AMOTL1: variants seen among roughly 807,000 people sequenced by gnomAD.
AMOTL1 encodes angiomotin-like protein 1.
A neutral mutation model predicts 102.9 loss-of-function variants in AMOTL1; 45 were observed. The ratio of observed to expected loss-of-function variants is 0.44; its 90% CI spans 0.34 to 0.56. AMOTL1 has a LOEUF of 0.56. Ranked by LOEUF, AMOTL1 falls within the 20% of genes least tolerant of loss-of-function variation. AMOTL1 has a pLI of 0.01. For synonymous variants in AMOTL1, 481 were observed against 484.7 expected (o/e 0.99, Z 0.10); for missense variants, 1,114 against 1,225.6 (o/e 0.91, Z 1.36).
At chr11:94,820,119 G>A (rs1173488180) in intron 3 of AMOTL1, among the ~76,000 whole-genome samples, 9 of 152,082 alleles carry the variant, frequency 5.9e-5, no homozygotes, top group African/African-American at 2.2e-4. Flanking sequence ...TCATTAAATG[G>A]TGCCCCTATC....
intron 1 of AMOTL1, among the ~76,000 whole-genome samples, chr11:94,723,021 T>C (rs141834974): frequency 6.6e-6 from 1 of 152,284 alleles, no homozygotes; most frequent in Non-Finnish European, 1.5e-5. Context: ...TGGCAGAAGT[T>C]AATGACAAAT....
chr11:94,733,900 C>G (rs766387216), intron 2 of AMOTL1, among the ~76,000 whole-genome samples: 3 of 152,186 alleles, frequency 2.0e-5, no homozygotes, highest in Non-Finnish European at 4.4e-5. Flanking sequence ...CTAGTAGCTT[C>G]TTGGCTCAGC....
intron 6 of AMOTL1, among the ~76,000 whole-genome samples, chr11:94,848,849 C>G (rs141005926): frequency 6.6e-6 from 1 of 152,210 alleles, no homozygotes; most frequent in Non-Finnish European, 1.5e-5. Flanking sequence ...TCTATTACTT[C>G]AGAACACATA....
At position 94,736,325 on chromosome 11, in the gene AMOTL1, C is replaced by T. The variant is rs561420747; in HGVS notation, c.86-4613C>T. Among the ~76,000 whole-genome samples the T allele has an allele frequency of 3.3e-5, 5 of 152,328 alleles. No homozygotes were observed. In the South Asian group the frequency reaches 1.0e-3, roughly 32 times the overall value. On this transcript the variant is annotated intron_variant, in intron 2 of 4. Coordinates refer to the AMOTL1 transcript ENST00000299004. ...GGAGTGCAATGGCACAATCTCTGCTCACTGCAACCTCTGCCTCACGGGTTC... is the reference window on the plus strand; with the variant it reads ...GGAGTGCAATGGCACAATCTCTGCTTACTGCAACCTCTGCCTCACGGGTTC...
chr11:94,819,156 A>G (rs1951818476), intron 3 of AMOTL1, among the ~76,000 whole-genome samples: 1 of 152,242 alleles, frequency 6.6e-6, no homozygotes, highest in South Asian at 2.1e-4. Flanking sequence ...CCAGAGGCTC[A>G]TTCATTTTCT....
intron 1 of AMOTL1, among the ~76,000 whole-genome samples, chr11:94,782,907 T>G (rs1277793867): frequency 8.5e-5 from 13 of 152,220 alleles, no homozygotes; most frequent in Admixed American, 8.5e-4. Flanking sequence ...TTTTAAAACT[T>G]TTTTTTCATA....
At chr11:94,789,514 G>T (rs972491097) in intron 1 of AMOTL1, among the ~76,000 whole-genome samples, 1 of 152,208 alleles carries the variant, frequency 6.6e-6, no homozygotes, top group Non-Finnish European at 1.5e-5. Flanking sequence ...AGGCACTGCT[G>T]CCTGTCAGTG....
chr11:94,831,474 G>A lies in AMOTL1; in HGVS notation c.1581G>A (p.Arg527=), dbSNP rs927075993. The A allele has an allele frequency of 3.7e-6, 6 of 1,613,704 alleles. No individual in the cohort carries two copies. Among genetic ancestry groups the A allele is most frequent in the Non-Finnish European group, 4.2e-6 (5 of 1,179,700 alleles). Reference sequence around the variant, plus strand: ...TAGATCGACTAGAGACTGCTAACAGGCAACTATCCAGCAGGGAATACGAAG... The same window carrying A: ...TAGATCGACTAGAGACTGCTAACAGACAACTATCCAGCAGGGAATACGAAG... The part of the protein sequence containing the change: ...DLRDRLETAN[R]QLSSREYEGH... The change falls in exon 6 of 13, where the codon AGG becomes AGA. Residue 527 remains arginine (R), a synonymous_variant. Transcript: ENST00000433060.
intron 1 of AMOTL1, among the ~76,000 whole-genome samples, chr11:94,726,872 T>G (rs1324641610): frequency 1.3e-5 from 2 of 152,204 alleles, no homozygotes; most frequent in African/African-American, 4.8e-5. Context: ...ATACATGTGT[T>G]TGATGCCATT....
chr11:94,779,587 A>G (rs994587281), intron 1 of AMOTL1, among the ~76,000 whole-genome samples: 2 of 151,962 alleles, frequency 1.3e-5, no homozygotes, highest in Non-Finnish European at 2.9e-5. Context: ...TGAAAGCCCT[A>G]TTTTCGTAAT....
chr11:94,771,759 T>C (rs1214750804), intron 1 of AMOTL1, among the ~76,000 whole-genome samples: 1 of 152,128 alleles, frequency 6.6e-6, no homozygotes, highest in Non-Finnish European at 1.5e-5. Context: ...GGTATATTCA[T>C]TTTGGACACT....
intron 2 of AMOTL1, among the ~76,000 whole-genome samples, chr11:94,737,692 A>G (rs1950456137): frequency 6.6e-6 from 1 of 152,238 alleles, no homozygotes; most frequent in Non-Finnish European, 1.5e-5. Context: ...AAACCAGAGG[A>G]GACTGATTCT....
chr11:94,844,166 C>A (rs796611598), intron 6 of AMOTL1, among the ~76,000 whole-genome samples: 14 of 152,316 alleles, frequency 9.2e-5, no homozygotes, highest in African/African-American at 3.4e-4. Context: ...CCCCTCTTCC[C>A]ACATCCAAGA....
In AMOTL1 at chr11:94,860,171, A is replaced by G. The variant is rs78676753; in HGVS notation, c.2135+456A>G. 4.3e-3 allele frequency among the ~76,000 whole-genome samples: 657 copies of G among 152,304 alleles called. 5 individuals carry two copies. Among genetic ancestry groups the G allele is most frequent in the African/African-American group, 0.015 (607 of 41,548 alleles). ...AATGCTGCGTTTATATCATGGGCCA[A>G]ACTAGAAGAATAGATAATCCCCATA... On this transcript the variant is annotated intron_variant, in intron 9 of 12. Transcript: ENST00000433060.
At chr11:94,853,185 A>G (rs1227116447) in intron 7 of AMOTL1, among the ~76,000 whole-genome samples, 3 of 152,316 alleles carry the variant, frequency 2.0e-5, no homozygotes, top group Non-Finnish European at 4.4e-5. Context: ...CAGAACGTGT[A>G]GATTTGTTAC....
At chr11:94,864,708 A>T (rs924340040) in intron 9 of AMOTL1, 27 bp from the exon 10 acceptor site, 1 of 1,607,892 alleles carries the variant, frequency 6.2e-7, no homozygotes, top group East Asian at 2.2e-5. Flanking sequence ...GTTTCCTATG[A>T]TCAAACGCAT....
chr11:94,710,797 C>T (rs1467737582), intron 1 of AMOTL1, among the ~76,000 whole-genome samples: 2 of 152,198 alleles, frequency 1.3e-5, no homozygotes, highest in South Asian at 2.1e-4. Flanking sequence ...GGCTTAAAAA[C>T]AACCTCTGCA....
intron 6 of AMOTL1, among the ~76,000 whole-genome samples, chr11:94,843,013 C>G (rs749019362): frequency 2.6e-5 from 4 of 152,214 alleles, no homozygotes; most frequent in Non-Finnish European, 5.9e-5. Context: ...CCACTTGCAG[C>G]CTATGTATCC....
chr11:94,707,032 C>T (rs1287037557), intron 1 of AMOTL1, among the ~76,000 whole-genome samples: 1 of 152,044 alleles, frequency 6.6e-6, no homozygotes, highest in Non-Finnish European at 1.5e-5. Flanking sequence ...TGCTGTTTCG[C>T]TGGTGTGAAT....
Sources: allele counts gnomAD v4.1 joint callset (sites outside exome capture counted in the v4.1 genomes callset), GRCh38; gene constraint gnomAD v4.1.1; transcripts MANE v1.5; gene names NCBI Gene and HGNC (gene_info 2026-07-23, HGNC 2026-07-21).